The following SARS2 variants were observed in gnomAD, a reference collection of about 807,000 sequenced individuals.
SARS2 encodes serine--tRNA ligase, mitochondrial.
In SARS2, 52 loss-of-function variants were observed where a neutral mutation model predicts 66.8. The observed-to-expected ratio is 0.78, with a 90% CI of 0.62 to 0.98. The LOEUF (loss-of-function observed/expected upper bound fraction) is 0.98, where lower values mean the gene tolerates loss of function less well. Ranked by LOEUF, SARS2 falls within the 50% of genes least tolerant of loss-of-function variation. The pLI, the probability that SARS2 is intolerant of heterozygous loss-of-function variation, is 0.00. For missense variants in SARS2, 673 were observed against 706.3 expected (o/e 0.95, Z 0.53); for synonymous variants, 306 against 281.4 (o/e 1.09, Z -0.87).
intron 9 of SARS2, 107 bp from the exon 10 acceptor site, chr19:38,918,246 C>A (rs549369011): frequency 1.3e-5 from 16 of 1,273,524 alleles, no homozygotes; most frequent in Non-Finnish European, 1.8e-5. Context: ...GGTCAAGGCC[C>A]GGGGCTGGAT....
At chr19:38,923,891 G>A (rs1408235483) in intron 2 of SARS2, among the ~76,000 whole-genome samples, 2 of 152,022 alleles carry the variant, frequency 1.3e-5, no homozygotes, top group South Asian at 2.1e-4. Flanking sequence ...GGAGAATGGC[G>A]TGAACCCGGG....
chr19:38,921,275 C>T lies in SARS2; in HGVS notation c.589+117G>A, dbSNP rs1197423043. ...AGGAAGCTGGAGCCACCTCCTGTAC[C>T]GCCAGGAGTTCTCCAGGCTCCAGAC... On this transcript the variant is annotated intron_variant, in intron 5 of 15. Coordinates refer to ENST00000221431, the MANE Select transcript of SARS2 (RefSeq NM_017827.4). 27 of 1,089,134 alleles carry T rather than the reference C, an allele frequency of 2.5e-5. No individual in the cohort carries two copies. The East Asian group carries it at 4.1e-4, about 17-fold the overall frequency. 67.5% of individuals were successfully genotyped at this position (1,089,134 alleles called of 1,614,324 possible). A position where few individuals can be genotyped will look rare whatever the true frequency, so the allele number is the denominator to read the frequency against.
In SARS2 at chr19:38,916,216, C is replaced by T. The variant is rs1974413933; in HGVS notation, c.1254+5G>A. On this transcript the variant is annotated splice_donor_5th_base_variant and intron_variant, in intron 13 of 15. Coordinates refer to ENST00000221431, the MANE Select transcript of SARS2 (RefSeq NM_017827.4). ...CCACCCCGTCCCCAGCGGCACAGGG[C>T]TCACCTCTCCAAAGCGGCCTCGGCC... 1 of 1,613,890 alleles carries T rather than the reference C, an allele frequency of 6.2e-7. No homozygotes were observed. Among genetic ancestry groups the T allele is most frequent in the African/African-American group, 1.3e-5 (1 of 74,936 alleles).
chr19:38,918,199 A>C (rs1428147618), intron 9 of SARS2, 60 bp from the exon 10 acceptor site: 2 of 1,532,868 alleles, frequency 1.3e-6, no homozygotes, highest in Non-Finnish European at 1.8e-6. Flanking sequence ...AGCCTTTGGA[A>C]GATTAAGAGG....
At position 38,916,391 on chromosome 19, in the gene SARS2, A is replaced by G. The variant is rs952134311; in HGVS notation, c.1161-77T>C. 7.6e-6 allele frequency: 10 copies of G among 1,324,138 alleles called. No individual in the cohort carries two copies. The African/African-American group carries it at 1.5e-4, about 19-fold the overall frequency. 82.0% of individuals were successfully genotyped at this position (1,324,138 alleles called of 1,614,324 possible). ...AAGAGGAACAAATGGAAACGATGGA[A>G]GAGAAGGCAGCCAAAAAGCAGGAAA... On this transcript the variant is annotated intron_variant, in intron 12 of 15. Coordinates refer to ENST00000221431, the MANE Select transcript of SARS2 (RefSeq NM_017827.4).
intron 1 of SARS2, among the ~76,000 whole-genome samples, chr19:38,926,548 G>A (rs1473814135): frequency 6.6e-6 from 1 of 152,196 alleles, no homozygotes; most frequent in African/African-American, 2.4e-5. Context: ...CACTTTGGGA[G>A]GCCAAGGTGG....
intron 12 of SARS2, among the ~76,000 whole-genome samples, 168 bp downstream of exon 12, chr19:38,917,555 AC>A (rs1386119496): frequency 6.6e-6 from 1 of 152,212 alleles, no homozygotes; most frequent in Non-Finnish European, 1.5e-5. Context: ...CGACCGGCAC[AC>A]GGCAGACAGA....
chr19:38,922,417 G>A (rs1974553708), intron 2 of SARS2, 150 bp from the exon 3 acceptor site: 7 of 765,802 alleles, frequency 9.1e-6, no homozygotes, highest in Non-Finnish European at 1.4e-5. Flanking sequence ...CTGTGTTTCT[G>A]TTTCTCTATT....
chr19:38,927,287 G>A (rs530988712), intron 1 of SARS2, among the ~76,000 whole-genome samples: 5 of 152,030 alleles, frequency 3.3e-5, no homozygotes, highest in Non-Finnish European at 7.4e-5. Context: ...TTGACACCTT[G>A]TCTCAAAAAC....
chr19:38,922,390 T>C, intron 2 of SARS2, 123 bp from the exon 3 acceptor site: 1 of 878,618 alleles, frequency 1.1e-6, no homozygotes, highest in East Asian at 2.5e-5. Context: ...AGTGCCTAGC[T>C]GGGTCCCTCT....
intron 8 of SARS2, 99 bp downstream of exon 8, chr19:38,918,667 C>T: frequency 6.8e-7 from 1 of 1,461,110 alleles, no homozygotes; most frequent in Non-Finnish European, 9.4e-7. Context: ...GCCCCCTCAA[C>T]CCAGCCCCAG....
intron 1 of SARS2, chr19:38,928,410 C>G (rs1451878136): frequency 1.1e-5 from 1 of 88,102 alleles, no homozygotes; most frequent in Non-Finnish European, 2.1e-5. Context: ...AAAAACACAC[C>G]CCTGGCCCCC....
chr19:38,921,018 TACACAGATACAG>T (rs1281667325), intron 5 of SARS2, among the ~76,000 whole-genome samples: 4 of 27,450 alleles, frequency 1.5e-4, no homozygotes, highest in Non-Finnish European at 2.9e-4. Flanking sequence ...CACACACAGA[TACACAGATACAG>T]ACACACACAG....
At chr19:38,928,154 G>A (rs1030530535) in intron 1 of SARS2, 6 of 152,230 alleles carry the variant, frequency 3.9e-5, no homozygotes, top group African/African-American at 1.4e-4. Context: ...CGTGGCCAGT[G>A]GATCATTTGA....
chr19:38,919,383 G>A (rs1474060986), intron 7 of SARS2, among the ~76,000 whole-genome samples: 1 of 152,310 alleles, frequency 6.6e-6, no homozygotes, highest in East Asian at 1.9e-4. Context: ...GTTCCTCACC[G>A]TGACCAATGC....
chr19:38,919,785 T>C lies in SARS2; in HGVS notation c.736A>G (p.Thr246Ala), dbSNP rs1264055241. 6.2e-7 allele frequency: 1 copy of C among 1,614,062 alleles called. No homozygotes were observed. Among genetic ancestry groups the C allele is most frequent in the Non-Finnish European group, 8.5e-7 (1 of 1,179,990 alleles). The change falls in exon 7 of 16, where the codon ACA becomes GCA. Residue 246 changes from threonine (T) to alanine (A), a missense_variant. By Grantham distance (58) the Thr-to-Ala change is moderately conservative. Transcript: ENST00000221431. Reference sequence around the variant, plus strand: ...ACCCGGCGGAGAAGCTTGTTGAATGTGAAGTTGACCAGGCCGTGCTGCAGG... The same window carrying C: ...ACCCGGCGGAGAAGCTTGTTGAATGCGAAGTTGACCAGGCCGTGCTGCAGG... ...ALLQHGLVNF[T>A]FNKLLRRGFT...
chr19:38,915,466 G>C lies in SARS2; in HGVS notation c.*140C>G, dbSNP rs565577459. 5.3e-6 allele frequency: 5 copies of C among 935,318 alleles called. No homozygotes were observed. The highest frequency in any genetic ancestry group is 1.5e-5 in the South Asian group (1 of 66,080). 57.9% of individuals were successfully genotyped at this position (935,318 alleles called of 1,614,324 possible). A position where few individuals can be genotyped will look rare whatever the true frequency, so the allele number is the denominator to read the frequency against. Reference sequence around the variant, plus strand: ...CAAGGACAGAGGAGAGGTGGACCCCGTGGTCCAGGGGCCCGGGCGTGGAGC... The same window carrying C: ...CAAGGACAGAGGAGAGGTGGACCCCCTGGTCCAGGGGCCCGGGCGTGGAGC... On this transcript the variant is annotated 3_prime_UTR_variant, in exon 16 of 16. Coordinates refer to ENST00000221431, the MANE Select transcript of SARS2 (RefSeq NM_017827.4).
At chr19:38,923,219 CTT>C (rs1165441029) in intron 2 of SARS2, among the ~76,000 whole-genome samples, 4 of 75,768 alleles carry the variant, frequency 5.3e-5, no homozygotes, top group Non-Finnish European at 9.4e-5. Context: ...CTCAGGTTTT[CTT>C]TTTTTTTTTT....
chr19:38,928,874 T>C (rs1431165923), intron 1 of SARS2, among the ~76,000 whole-genome samples: 1 of 152,200 alleles, frequency 6.6e-6, no homozygotes, highest in Non-Finnish European at 1.5e-5. Flanking sequence ...CTCTAGGTAG[T>C]CAAATTTACC....
Sources: allele counts gnomAD v4.1 joint callset (sites outside exome capture counted in the v4.1 genomes callset), GRCh38; gene constraint gnomAD v4.1.1; transcripts MANE v1.5; gene names NCBI Gene and HGNC (gene_info 2026-07-23, HGNC 2026-07-21).